PPP1R12A: variants seen among roughly 807,000 people sequenced by gnomAD.
PPP1R12A encodes the protein myosin binding subunit.
A neutral mutation model predicts 139.6 loss-of-function variants in PPP1R12A; 19 were observed. That is an observed-to-expected ratio of 0.14 (90% confidence interval 0.09 to 0.20). PPP1R12A has a LOEUF of 0.20. PPP1R12A is among the 10% of genes least tolerant of loss of function. The pLI is 1.00. For synonymous variants in PPP1R12A, 427 were observed against 420.6 expected, an observed-to-expected ratio of 1.02 and a Z score of -0.19; for missense variants, 925 against 1,211.5, an observed-to-expected ratio of 0.76 and a Z score of 3.51.
chr12:79,864,072 T>G lies in PPP1R12A; in HGVS notation c.368+8736A>C, dbSNP rs1881685649. On this transcript the variant is annotated intron_variant, in intron 2 of 24. Transcript: ENST00000450142. ...CACCACATGGCCCTTATTCTAAAAC[T>G]GACCACATAATTGGAAGTAAAACAC... 2.6e-5 allele frequency among the ~76,000 whole-genome samples: 4 copies of G among 152,154 alleles called. No individual in the cohort carries two copies. The South Asian group carries it at 8.3e-4, about 31-fold the overall frequency.
chr12:79,837,601 T>C (rs567052809), intron 3 of PPP1R12A, among the ~76,000 whole-genome samples: 1 of 152,322 alleles, frequency 6.6e-6, no homozygotes, highest in South Asian at 2.1e-4. Context: ...CCATAATCCC[T>C]ACATGTGGTG....
chr12:79,828,208 A>T, intron 5 of PPP1R12A, 112 bp downstream of exon 5: 1 of 900,588 alleles, frequency 1.1e-6, no homozygotes, highest in East Asian at 3.1e-5. Context: ...GTTAATAAAA[A>T]TATAATTATA....
intron 1 of PPP1R12A, among the ~76,000 whole-genome samples, chr12:79,908,222 T>A (rs1453362429): frequency 1.3e-5 from 2 of 152,232 alleles, no homozygotes; most frequent in African/African-American, 4.8e-5. Flanking sequence ...AAAATTCATT[T>A]CTATTTAAAA....
rs1428268604 is a variant in PPP1R12A, at chr12:79,828,196, C to T, written c.792+124G>A. On this transcript the variant is annotated intron_variant, in intron 5 of 24. Transcript: ENST00000450142. ...CAGTTGGCTGAAAAAATGTTTTATA[C>T]AGTTAATAAAAATATAATTATATAA... 3 of 820,652 alleles carry T rather than the reference C, an allele frequency of 3.7e-6. No homozygotes were observed. The African/African-American group carries it at 5.4e-5, about 15-fold the overall frequency. The allele number at this position is 820,652 out of a possible 1,614,324, so 50.8% of individuals were successfully genotyped here. A position where few individuals can be genotyped will look rare whatever the true frequency, so the allele number is the denominator to read the frequency against.
chr12:79,779,680 AGT>A (rs1870183247), intron 23 of PPP1R12A: 1 of 263,760 alleles, frequency 3.8e-6, no homozygotes, highest in Non-Finnish European at 7.7e-6. Context: ...TAGCACATAA[AGT>A]GTCATATTTG....
intron 5 of PPP1R12A, among the ~76,000 whole-genome samples, chr12:79,823,155 TAAG>T (rs976045217): frequency 2.6e-5 from 4 of 152,148 alleles, no homozygotes; most frequent in Non-Finnish European, 5.9e-5. Flanking sequence ...CTAAACATAG[TAAG>T]AATATTTCCT....
intron 15 of PPP1R12A, among the ~76,000 whole-genome samples, chr12:79,797,811 A>G (rs780658302): frequency 2.0e-4 from 31 of 152,180 alleles, no homozygotes; most frequent in Non-Finnish European, 1.3e-4. Context: ...AGAACAGGTT[A>G]GATTTCAAGA....
chr12:79,845,536 A>C, intron 2 of PPP1R12A, 116 bp from the exon 3 acceptor site: 1 of 698,602 alleles, frequency 1.4e-6, no homozygotes, highest in Non-Finnish European at 2.3e-6. Context: ...CAGTATATAC[A>C]TTATTTAAAT....
intron 1 of PPP1R12A, among the ~76,000 whole-genome samples, chr12:79,874,348 G>C (rs1050563568): frequency 2.6e-5 from 4 of 151,470 alleles, no homozygotes; most frequent in Non-Finnish European, 5.9e-5. Flanking sequence ...AAATGAATTA[G>C]TTATTTTAAT....
intron 2 of PPP1R12A, among the ~76,000 whole-genome samples, chr12:79,857,132 C>T (rs12828928): frequency 0.1 from 15,563 of 151,960 alleles, 2,103 homozygotes; most frequent in African/African-American, 0.32. Context: ...CACATGCACA[C>T]GTATGTTTAT....
intron 2 of PPP1R12A, among the ~76,000 whole-genome samples, chr12:79,856,753 C>A (rs566183034): frequency 2.6e-5 from 4 of 152,272 alleles, no homozygotes; most frequent in Admixed American, 1.3e-4. Context: ...ACTTTGTTAT[C>A]TTAGCAACAA....
At chr12:79,842,796 C>T (rs537194756) in intron 3 of PPP1R12A, among the ~76,000 whole-genome samples, 12 of 152,006 alleles carry the variant, frequency 7.9e-5, no homozygotes, top group African/African-American at 2.4e-4. Context: ...CTGGAACACA[C>T]GAGCTAAAGC....
chr12:79,821,238 A>G, intron 6 of PPP1R12A, 72 bp from the exon 7 acceptor site: 1 of 1,071,634 alleles, frequency 9.3e-7, no homozygotes, highest in Non-Finnish European at 1.4e-6. Flanking sequence ...AGAGTTTAAA[A>G]TAATAACAAA....
chr12:79,786,387 TC>T lies in PPP1R12A; in HGVS notation c.2893del (p.Glu965LysfsTer26). 1 of 1,553,134 alleles carries T rather than the reference TC, an allele frequency of 6.4e-7. No homozygotes were observed. Among genetic ancestry groups the T allele is most frequent in the Admixed American group, 2.0e-5 (1 of 50,372 alleles). On this transcript the variant is annotated frameshift_variant, in exon 22 of 25. Coordinates refer to ENST00000450142, the MANE Select transcript of PPP1R12A (RefSeq NM_002480.3). LOFTEE classifies it high-confidence loss of function. ...MELTDLKLQL[E>X]KATQRQERFA... is the part of the protein sequence containing the mutation. The stretch of plus-strand genomic sequence containing the variant: ...AAGGGTACAAACCTGGGTGGCCTTT[TC>T]CAACTGTAATTTAAGATCTGTTAGT...
At chr12:79,849,130 A>G (rs1879749158) in intron 2 of PPP1R12A, among the ~76,000 whole-genome samples, 1 of 152,104 alleles carries the variant, frequency 6.6e-6, no homozygotes, top group African/African-American at 2.4e-5. Flanking sequence ...TTAGGAAGCA[A>G]TGTTTCACTT....
At chr12:79,924,287 ATG>A in intron 1 of PPP1R12A, among the ~76,000 whole-genome samples, 1 of 152,218 alleles carries the variant, frequency 6.6e-6, no homozygotes, top group Non-Finnish European at 1.5e-5. Context: ...AGTAGATTCC[ATG>A]TACTTGGAAG....
chr12:79,812,270 T>C (rs560483007), intron 9 of PPP1R12A, among the ~76,000 whole-genome samples: 5 of 152,234 alleles, frequency 3.3e-5, no homozygotes, highest in South Asian at 4.2e-4. Flanking sequence ...CTTCCTGAAA[T>C]ACTTAACTAT....
At chr12:79,910,735 A>G (rs1886502120) in intron 1 of PPP1R12A, among the ~76,000 whole-genome samples, 1 of 152,242 alleles carries the variant, frequency 6.6e-6, no homozygotes, top group Non-Finnish European at 1.5e-5. Context: ...GATGAATACT[A>G]ACAGTTCAAA....
chr12:79,808,522 C>G lies in PPP1R12A; in HGVS notation c.1511G>C (p.Arg504Pro), dbSNP rs189555743. Reference protein sequence around the residue: ...LAYVAPTIPRRLASTSDIEEK... With the variant: ...LAYVAPTIPRPLASTSDIEEK... ...TTCAATGTCAGATGTACTGGCTAGT[C>G]GTCTTGGTATTGTAGGTGCAACATA... Residue 504 changes from arginine to proline, a missense_variant, in exon 11 of 25, where the codon CGA becomes CCA. By Grantham distance (103) the Arg-to-Pro change is moderately radical (BLOSUM62 -2). Coordinates refer to ENST00000450142, the MANE Select transcript of PPP1R12A (RefSeq NM_002480.3). The G allele has an allele frequency of 1.9e-6, 3 of 1,609,542 alleles. No individual in the cohort carries two copies. Among genetic ancestry groups the G allele is most frequent in the Non-Finnish European group, 2.5e-6 (3 of 1,176,950 alleles).
Sources: allele counts gnomAD v4.1 joint callset (sites outside exome capture counted in the v4.1 genomes callset), GRCh38; gene constraint gnomAD v4.1.1; transcripts MANE v1.5; gene names NCBI Gene and HGNC (gene_info 2026-07-23, HGNC 2026-07-21).